The following ZNF43 variants were observed in gnomAD, a reference collection of about 807,000 sequenced individuals.
ZNF43 encodes the protein zinc finger protein 39-like 1 (KOX 27).
ZNF43 carries 44 observed loss-of-function variants against 68.4 expected under a neutral mutation model. That is an observed-to-expected ratio of 0.64 (90% CI 0.51 to 0.83). The LOEUF (loss-of-function observed/expected upper bound fraction) is 0.83. ZNF43 is among the 40% of genes least tolerant of loss of function. The probability of loss-of-function intolerance (pLI) is 0.00; values close to 1 mark genes in which losing one functional copy is unlikely to be tolerated. For synonymous variants in ZNF43, 308 were observed against 307.8 expected, an observed-to-expected ratio of 1.00 and a Z score of -0.01; for missense variants, 896 against 933.2, an observed-to-expected ratio of 0.96 and a Z score of 0.52.
intron 3 of ZNF43, among the ~76,000 whole-genome samples, chr19:21,817,062 C>A (rs543834061): frequency 2.6e-5 from 4 of 151,868 alleles, no homozygotes; most frequent in African/African-American, 9.7e-5. Flanking sequence ...CCAAACATGG[C>A]GAAACCCTGT....
At chr19:21,837,505 ACCTCCG>A (rs1368197977), upstream of ZNF43, among the ~76,000 whole-genome samples, 3 of 145,168 alleles carry the variant, frequency 2.1e-5, no homozygotes, top group Non-Finnish European at 4.4e-5. Context: ...GCTCACTGCA[ACCTCCG>A]CCTCCCAGGT....
At chr19:21,816,604 C>T (rs1273199957) in intron 3 of ZNF43, among the ~76,000 whole-genome samples, 1 of 152,154 alleles carries the variant, frequency 6.6e-6, no homozygotes, top group Non-Finnish European at 1.5e-5. Context: ...GAGGAAGATA[C>T]TGGTTTATAG....
intron 1 of ZNF43, chr19:21,827,110 G>A (rs1037288920): frequency 1.3e-5 from 2 of 151,880 alleles, no homozygotes; most frequent in Admixed American, 6.6e-5. Context: ...CTCTCTAAAC[G>A]AAGTGCACAG....
rs766585124 is a variant in ZNF43, at chr19:21,819,223, T to TA, written c.4-3dup. On this transcript the variant is annotated splice_polypyrimidine_tract_variant and splice_region_variant and intron_variant, in intron 1 of 3. Coordinates refer to ENST00000354959, the MANE Select transcript of ZNF43 (RefSeq NM_003423.4). ...CACATCCATAAATGTCAATGGTCCC[T>TA]AAAAAAAACAACACATACACACACA... 1.5e-4 allele frequency: 243 copies of TA among 1,580,364 alleles called. No individual in the cohort carries two copies. The highest frequency in any genetic ancestry group is 6.0e-4 in the Admixed American group (31 of 51,458).
upstream of ZNF43, among the ~76,000 whole-genome samples, chr19:21,838,578 T>G (rs191128845): frequency 1.9e-4 from 29 of 152,172 alleles, no homozygotes; most frequent in Admixed American, 4.6e-4. Flanking sequence ...TTTTGTATTT[T>G]TAGTAGAGAC....
intron 3 of ZNF43, among the ~76,000 whole-genome samples, chr19:21,816,366 C>A (rs2037529019): frequency 6.6e-6 from 1 of 152,118 alleles, no homozygotes; most frequent in South Asian, 2.1e-4. Context: ...GCTTTGAGAT[C>A]CAGGCAGGCA....
At position 21,806,789 on chromosome 19, in the gene ZNF43, C is replaced by T. The variant is rs1019627546; in HGVS notation, c.*818G>A. The T allele has an allele frequency of 2.0e-5, 3 of 152,118 alleles. No homozygotes were observed. Among genetic ancestry groups the T allele is most frequent in the African/African-American group, 7.2e-5 (3 of 41,436 alleles). 9.4% of individuals were successfully genotyped at this position (152,118 alleles called of 1,614,324 possible). ...TTTGTGTTGTTTTCTGTACTTAGCA[C>T]TGATTTAGTGTAATGTCTGAAGTGT... On this transcript the variant is annotated 3_prime_UTR_variant, in exon 4 of 4. Coordinates refer to ENST00000354959, the MANE Select transcript of ZNF43 (RefSeq NM_003423.4).
In ZNF43 at chr19:21,806,118, C is replaced by T. The variant is rs1184613049; in HGVS notation, c.*1489G>A. The T allele has an allele frequency of 6.6e-6, 1 of 151,492 alleles. No individual in the cohort carries two copies. Among genetic ancestry groups the T allele is most frequent in the East Asian group, 1.9e-4 (1 of 5,176 alleles). 9.4% of individuals were successfully genotyped at this position (151,492 alleles called of 1,614,324 possible). ...TGAAAACCTATCTCCTGCATCACTCCTTTATAAGTTAACCACAAAGAGCCT... is the reference window on the plus strand; with the variant it reads ...TGAAAACCTATCTCCTGCATCACTCTTTTATAAGTTAACCACAAAGAGCCT... On this transcript the variant is annotated 3_prime_UTR_variant, in exon 4 of 4. Coordinates refer to ENST00000354959, the MANE Select transcript of ZNF43 (RefSeq NM_003423.4).
In ZNF43 at chr19:21,806,682, G is replaced by T. The variant is rs940305525; in HGVS notation, c.*925C>A. 5 of 152,002 alleles carry T rather than the reference G, an allele frequency of 3.3e-5. No individual in the cohort carries two copies. The highest frequency in any genetic ancestry group is 7.2e-5 in the African/African-American group (3 of 41,384). The allele number at this position is 152,002 out of a possible 1,614,324, so 9.4% of individuals were successfully genotyped here. A position where few individuals can be genotyped will look rare whatever the true frequency, so the allele number is the denominator to read the frequency against. ...AATCAGTAATTTTTTCAAGATAAAA[G>T]TATACTTTAATTGTAATTATAACTG... On this transcript the variant is annotated 3_prime_UTR_variant, in exon 4 of 4. Coordinates refer to ENST00000354959, the MANE Select transcript of ZNF43 (RefSeq NM_003423.4).
chr19:21,831,659 T>C (rs1382871463), intron 1 of ZNF43, among the ~76,000 whole-genome samples: 1 of 151,966 alleles, frequency 6.6e-6, no homozygotes, highest in African/African-American at 2.4e-5. Flanking sequence ...CACGCCCGGC[T>C]CCAGAAAAGC....
intron 3 of ZNF43, among the ~76,000 whole-genome samples, chr19:21,814,072 C>CT (rs1207756029): frequency 1.3e-5 from 2 of 151,906 alleles, no homozygotes; most frequent in East Asian, 3.9e-4. Context: ...GAAATGTACA[C>CT]TTCAATAGAT....
rs1263251996 is a variant in ZNF43 at position 21,806,985 on chromosome 19, T to C, written c.*622A>G. The C allele has an allele frequency of 1.3e-5, 2 of 152,200 alleles. No homozygotes were observed. The highest frequency in any genetic ancestry group is 2.9e-5 in the Non-Finnish European group (2 of 68,028). The allele number at this position is 152,200 out of a possible 1,614,324, so 9.4% of individuals were successfully genotyped here. A position where few individuals can be genotyped will look rare whatever the true frequency, so the allele number is the denominator to read the frequency against. ...AATGTTTTTCCAAACTGATTACATTTGTAGGGTTTTTCTCCAATATAAATT... is the reference window on the plus strand; with the variant it reads ...AATGTTTTTCCAAACTGATTACATTCGTAGGGTTTTTCTCCAATATAAATT... On this transcript the variant is annotated 3_prime_UTR_variant, in exon 4 of 4. Transcript: ENST00000354959.
intron 1 of ZNF43, among the ~76,000 whole-genome samples, chr19:21,822,917 ATCT>A (rs2037927888): frequency 6.6e-6 from 1 of 152,204 alleles, no homozygotes; most frequent in African/African-American, 2.4e-5. Context: ...TGTAATTTTA[ATCT>A]TTTTTAGCCG....
At chr19:21,823,564 A>C (rs1276273301) in intron 1 of ZNF43, among the ~76,000 whole-genome samples, 1 of 147,732 alleles carries the variant, frequency 6.8e-6, no homozygotes. Flanking sequence ...GCAAGAAAGA[A>C]TCAGGCCTTT....
rs766481468 is a variant in ZNF43 at position 21,807,756 on chromosome 19, G to C, written c.2281C>G (p.Pro761Ala). The change falls in exon 4 of 4, where the codon CCC becomes GCC. Residue 761 changes from proline to alanine, a missense_variant. Physicochemically the swap from Pro to Ala is conservative, Grantham distance 27. Transcript: ENST00000354959. The stretch of plus-strand genomic sequence containing the variant: ...TTGCCACATTCTTTACATTTGTAGG[G>C]TTGCTCTTTAGTATGAATTCTCTTA... ...THKRIHTKEQ[P>A]YKCKECGKAF... is the part of the protein sequence containing the mutation. The C allele has an allele frequency of 3.1e-6, 5 of 1,613,564 alleles. No homozygotes were observed. Among genetic ancestry groups the C allele is most frequent in the Admixed American group, 1.7e-5 (1 of 59,994 alleles).
chr19:21,813,483 G>C (rs1300573549), intron 3 of ZNF43, among the ~76,000 whole-genome samples: 3 of 152,022 alleles, frequency 2.0e-5, no homozygotes, highest in South Asian at 4.1e-4. Flanking sequence ...ATATTATTCA[G>C]CCTTCAAATA....
chr19:21,804,957 C>T lies in ZNF43; in HGVS notation c.*2650G>A, dbSNP rs939336494. On this transcript the variant is annotated 3_prime_UTR_variant, in exon 4 of 4. Coordinates refer to ENST00000354959, the MANE Select transcript of ZNF43 (RefSeq NM_003423.4). Reference sequence around the variant, plus strand: ...AATATATACCAATGTTTATTCATGACTCAGGAATGTATGGACTTTATTTAT... The same window carrying T: ...AATATATACCAATGTTTATTCATGATTCAGGAATGTATGGACTTTATTTAT... The T allele has an allele frequency of 6.6e-6, 1 of 152,084 alleles. No individual in the cohort carries two copies. Among genetic ancestry groups the T allele is most frequent in the African/African-American group, 2.4e-5 (1 of 41,382 alleles). 9.4% of individuals were successfully genotyped at this position (152,084 alleles called of 1,614,324 possible).
chr19:21,809,912 AG>A, intron 3 of ZNF43, 105 bp from the exon 4 acceptor site: 7 of 1,095,442 alleles, frequency 6.4e-6, no homozygotes, highest in Non-Finnish European at 8.7e-6. Flanking sequence ...AAGATGTCAT[AG>A]AAAAATACCA....
rs776877280 is a variant in ZNF43 at position 21,808,981 on chromosome 19, G to T, written c.1056C>A (p.Asn352Lys). 1.9e-6 allele frequency: 3 copies of T among 1,612,976 alleles called. No homozygotes were observed. The highest frequency in any genetic ancestry group is 2.5e-6 in the Non-Finnish European group (3 of 1,179,736). Residue 352 changes from asparagine (N) to lysine (K), a missense_variant, in exon 4 of 4, where the codon AAC becomes AAA. Transcript: ENST00000354959. The part of the protein sequence containing the change: ...YTCEECGKAF[N>K]QFSNLTTHKR... The stretch of plus-strand genomic sequence containing the variant: ...TATGTGTAGTAAGGTTTGAGAACTG[G>T]TTAAAGGCTTTGCCACATTCTTCAC...
Sources: allele counts gnomAD v4.1 joint callset (sites outside exome capture counted in the v4.1 genomes callset), GRCh38; gene constraint gnomAD v4.1.1; transcripts MANE v1.5; gene names NCBI Gene and HGNC (gene_info 2026-07-23, HGNC 2026-07-21).